The following LRP8 variants were observed in gnomAD, a reference collection of about 807,000 sequenced individuals.
LRP8 encodes low-density lipoprotein receptor-related protein 8.
Under a neutral mutation model 111.6 loss-of-function variants are expected in LRP8, and 46 were observed. The observed-to-expected ratio is 0.41, with a 90% CI of 0.33 to 0.53. The LOEUF (loss-of-function observed/expected upper bound fraction) is 0.53. Among genes scored for constraint, LRP8 ranks in the 20% least tolerant of loss-of-function variants. LRP8 has a pLI of 0.20. For synonymous variants in LRP8, 464 were observed against 511.2 expected, an observed-to-expected ratio of 0.91 and a Z score of 1.24; for missense variants, 959 against 1,297.4, an observed-to-expected ratio of 0.74 and a Z score of 4.01.
Position 53,249,898 on chromosome 1 carries a change from T to C in LRP8, c.2677-342A>G, listed in dbSNP as rs1190769976. Among the ~76,000 whole-genome samples the C allele has an allele frequency of 1.3e-5, 2 of 152,202 alleles. No individual in the cohort carries two copies. ...TATTTGTTGGGAGTCAGCCATGCCGTGCTAGGCATCAGGAAAACAGATTAA... is the reference window on the plus strand; with the variant it reads ...TATTTGTTGGGAGTCAGCCATGCCGCGCTAGGCATCAGGAAAACAGATTAA... On this transcript the variant is annotated intron_variant, in intron 17 of 18. Coordinates refer to ENST00000306052, the MANE Select transcript of LRP8 (RefSeq NM_004631.5). The surrounding 1 kb of genome is among the most constrained non-coding windows in gnomAD (Gnocchi z 4.1).
intron 3 of LRP8, among the ~76,000 whole-genome samples, chr1:53,286,393 C>T (rs1477249208): frequency 1.3e-5 from 2 of 152,168 alleles, no homozygotes; most frequent in African/African-American, 4.8e-5. Context: ...GAGAGGCCCC[C>T]CTCCCAGGTG....
At chr1:53,309,878 T>C (rs2100519612) in intron 2 of LRP8, among the ~76,000 whole-genome samples, 1 of 152,112 alleles carries the variant, frequency 6.6e-6, no homozygotes, top group African/African-American at 2.4e-5. Flanking sequence ...TTCATATGAA[T>C]GGGAGGATGC....
At chr1:53,263,838 G>C (rs1050915321) in intron 10 of LRP8, among the ~76,000 whole-genome samples, 2 of 152,144 alleles carry the variant, frequency 1.3e-5, no homozygotes, top group African/African-American at 4.8e-5. Context: ...CCTGTCTTTG[G>C]AAGTATGTGA....
intron 2 of LRP8, among the ~76,000 whole-genome samples, chr1:53,311,845 T>C (rs540631526): frequency 8.5e-5 from 13 of 152,312 alleles, no homozygotes; most frequent in African/African-American, 3.1e-4. Context: ...TGTGGGACTA[T>C]GGGCTCAGTG....
intron 18 of LRP8, among the ~76,000 whole-genome samples, chr1:53,248,693 G>T (rs1645801445): frequency 6.6e-6 from 1 of 152,212 alleles, no homozygotes. Context: ...CACACAGTAG[G>T]TGCTCACTAA....
chr1:53,252,540 TAAAAAG>T (rs926379334), intron 16 of LRP8, among the ~76,000 whole-genome samples: 35 of 151,964 alleles, frequency 2.3e-4, no homozygotes, highest in Admixed American at 1.4e-3. Flanking sequence ...TCTTGTCTCT[TAAAAAG>T]AAAAAGAAAA....
intron 3 of LRP8, among the ~76,000 whole-genome samples, chr1:53,286,861 A>C (rs1647636476): frequency 6.6e-6 from 1 of 152,358 alleles, no homozygotes; most frequent in South Asian, 2.1e-4. Flanking sequence ...CCAAAATATA[A>C]TAATACAAAT....
intron 2 of LRP8, among the ~76,000 whole-genome samples, chr1:53,322,626 G>C (rs1654659364): frequency 6.6e-6 from 1 of 152,304 alleles, no homozygotes; most frequent in East Asian, 1.9e-4. Context: ...TCTCTGGATA[G>C]TTGGGAGCCC....
At chr1:53,298,437 CGCAAGGGGTGCTGCTGAGA>C (rs1650171522) in intron 2 of LRP8, among the ~76,000 whole-genome samples, 2 of 152,282 alleles carry the variant, frequency 1.3e-5, no homozygotes, top group Admixed American at 6.5e-5. Flanking sequence ...CCAAGCATTA[CGCAAGGGGTGCTGCTGAGA>C]GCAGGCAGCA....
At chr1:53,321,926 C>T (rs1444340519) in intron 2 of LRP8, among the ~76,000 whole-genome samples, 1 of 152,162 alleles carries the variant, frequency 6.6e-6, no homozygotes, top group African/African-American at 2.4e-5. Flanking sequence ...TTTCTTCCCC[C>T]AGCTCCTTTC....
At position 53,294,666 on chromosome 1, in the gene LRP8, G is replaced by A. The variant is rs376778588; in HGVS notation, c.245-4977C>T. ...CGTGTGTGTAACACTGGGCCCATCC[G>A]TCAAACCTTCTGAGCTTGCCTCCTC... On this transcript the variant is annotated intron_variant, in intron 2 of 18. Coordinates refer to ENST00000306052, the MANE Select transcript of LRP8 (RefSeq NM_004631.5). The surrounding 1 kb of genome is among the most constrained non-coding windows in gnomAD (Gnocchi z 4.1). 2.0e-5 allele frequency among the ~76,000 whole-genome samples: 3 copies of A among 152,212 alleles called. No homozygotes were observed. Among genetic ancestry groups the A allele is most frequent in the South Asian group, 2.1e-4 (1 of 4,828 alleles).
At chr1:53,274,618 A>C in intron 6 of LRP8, 1 of 448,024 alleles carries the variant, frequency 2.2e-6, no homozygotes, top group South Asian at 1.6e-5. Context: ...GGCAGGGGGC[A>C]CTGGAGGGCC....
At chr1:53,247,707 A>G (rs1645770970) in intron 18 of LRP8, among the ~76,000 whole-genome samples, 1 of 152,216 alleles carries the variant, frequency 6.6e-6, no homozygotes, top group Non-Finnish European at 1.5e-5. Context: ...ATTCTTTCCT[A>G]TATTAATGTG....
At chr1:53,270,494 G>C (rs887068726) in intron 8 of LRP8, among the ~76,000 whole-genome samples, 2 of 152,220 alleles carry the variant, frequency 1.3e-5, no homozygotes, top group African/African-American at 4.8e-5. Flanking sequence ...TTTGTGCCCA[G>C]AGCTGGGCAT....
intron 2 of LRP8, among the ~76,000 whole-genome samples, chr1:53,295,058 C>T (rs1473054465): frequency 6.6e-6 from 1 of 152,218 alleles, no homozygotes; most frequent in Admixed American, 6.5e-5. Context: ...TGAGAAGTGA[C>T]TGCTCAAAGC....
In LRP8 at chr1:53,276,698, C is replaced by A. The variant is rs1207216814; in HGVS notation, c.877G>T (p.Asp293Tyr). 3.9e-6 allele frequency: 6 copies of A among 1,537,540 alleles called. No individual in the cohort carries two copies. The African/African-American group carries it at 4.2e-5, about 11-fold the overall frequency. ...RDCKDKSDEA[D>Y]CPLGTCRGDE... The stretch of plus-strand genomic sequence containing the variant: ...CGGTATGGAGGGGGCTTACGGCAGT[C>A]GGCCTCGTCCGATTTGTCTTTGCAG... The change falls in exon 5 of 19, where the codon GAC (aspartate) becomes TAC (tyrosine). Residue 293 changes from aspartate (D) to tyrosine (Y), a missense_variant. Physicochemically the swap from Asp to Tyr is radical, Grantham distance 160. Transcript: ENST00000306052.
chr1:53,270,842 T>C (rs939171041), intron 8 of LRP8, among the ~76,000 whole-genome samples, 186 bp downstream of exon 8: 6 of 152,244 alleles, frequency 3.9e-5, no homozygotes, highest in Non-Finnish European at 8.8e-5. Flanking sequence ...CTTATGTTAC[T>C]AATTGTCTCT....
rs1372329211 is a variant in LRP8, at chr1:53,249,620, A to G, written c.2677-64T>C. 5.4e-6 allele frequency: 8 copies of G among 1,486,676 alleles called. No individual in the cohort carries two copies. Among genetic ancestry groups the G allele is most frequent in the African/African-American group, 2.8e-5 (2 of 71,052 alleles). The allele number at this position is 1,486,676 out of a possible 1,614,324, so 92.1% of individuals were successfully genotyped here. A position where few individuals can be genotyped will look rare whatever the true frequency, so the allele number is the denominator to read the frequency against. On this transcript the variant is annotated intron_variant, in intron 17 of 18. Transcript: ENST00000306052. The surrounding 1 kb of genome is among the most constrained non-coding windows in gnomAD (Gnocchi z 4.1). ...ACACTCAGCCCCCTGACTGTGCTGT[A>G]TAACAGTGACACCTGCTGTGCCACT...
intron 14 of LRP8, 36 bp downstream of exon 14, chr1:53,258,283 C>T: frequency 1.2e-6 from 2 of 1,601,050 alleles, no homozygotes; most frequent in Non-Finnish European, 1.7e-6. Flanking sequence ...GGGTCTGACA[C>T]TGCCAGGGGC....
Sources: gnomAD v4.1 joint callset for allele counts (sites outside exome capture counted in the v4.1 genomes callset) on GRCh38, gnomAD v4.1.1 for gene constraint, Gnocchi (gnomAD v3.1) non-coding constraint, MANE v1.5 for transcripts, NCBI Gene and HGNC (gene_info 2026-07-23, HGNC 2026-07-21) for gene names.